The following PRSS23 variants were observed in gnomAD, a reference collection of about 807,000 sequenced individuals.
The protein encoded by PRSS23 is serine protease 23.
In PRSS23, 25 loss-of-function variants were observed where a neutral mutation model predicts 34.7. The ratio of observed to expected loss-of-function variants is 0.72; its 90% CI spans 0.53 to 1.01. PRSS23 has a LOEUF of 1.01. Ranked by LOEUF, PRSS23 falls within the 50% of genes least tolerant of loss-of-function variation. The probability of loss-of-function intolerance (pLI) is 0.00; values close to 1 mark genes in which losing one functional copy is unlikely to be tolerated. For synonymous variants in PRSS23, 176 were observed against 186.6 expected, an observed-to-expected ratio of 0.94 and a Z score of 0.46; for missense variants, 445 against 475.6, an observed-to-expected ratio of 0.94 and a Z score of 0.60.
upstream of PRSS23, among the ~76,000 whole-genome samples, chr11:86,796,597 C>A (rs1465046820): frequency 2.1e-5 from 3 of 145,398 alleles, no homozygotes; most frequent in Non-Finnish European, 4.5e-5. Flanking sequence ...GCCGAGATCG[C>A]GCCACTGCAC....
At chr11:86,865,554 G>T (rs142517302) in intron 2 of PRSS23, among the ~76,000 whole-genome samples, 72 of 152,330 alleles carry the variant, frequency 4.7e-4, no homozygotes, top group African/African-American at 1.7e-3. Context: ...CAAAGGACAG[G>T]CAGGTAGAGC....
Position 86,828,694 on chromosome 11 carries a change from T to G in PRSS23, c.206+5101T>G, listed in dbSNP as rs544961514. Among the ~76,000 whole-genome samples the G allele has an allele frequency of 2.0e-5, 3 of 152,312 alleles. No homozygotes were observed. The East Asian group carries it at 5.8e-4, about 29-fold the overall frequency. On this transcript the variant is annotated intron_variant, in intron 2 of 2. Coordinates refer to the PRSS23 transcript ENST00000533902. ...AGCTCTTTTAGGGCAGGCTTGGTGGTGACAGAATCTCTCGGCATTTGCTCG... is the reference window on the plus strand; with the variant it reads ...AGCTCTTTTAGGGCAGGCTTGGTGGGGACAGAATCTCTCGGCATTTGCTCG...
rs535500224 is a variant in PRSS23, at chr11:86,952,075, G to A, written c.*790G>A. On this transcript the variant is annotated 3_prime_UTR_variant, in exon 3 of 3. Transcript: ENST00000533902. The stretch of plus-strand genomic sequence containing the variant: ...AGGCAGTGGAGATGAAACACAGGCT[G>A]GCCCACACAGCCATCCAGATATCAG... 6 of 1,614,060 alleles carry A rather than the reference G, an allele frequency of 3.7e-6. No homozygotes were observed. In the African/African-American group the frequency reaches 4.0e-5, roughly 11 times the overall value.
At position 86,951,623 on chromosome 11, in the gene PRSS23, T is replaced by C. The variant is rs767886264; in HGVS notation, c.*338T>C. 1.3e-5 allele frequency: 21 copies of C among 1,614,062 alleles called. No individual in the cohort carries two copies. The highest frequency in any genetic ancestry group is 2.2e-5 in the East Asian group (1 of 44,900). On this transcript the variant is annotated 3_prime_UTR_variant, in exon 3 of 3. Coordinates refer to the PRSS23 transcript ENST00000533902. ...GGCATCGAGATTTTGGTTTCCAACATAGCACAAGCCAGTCAGTTCATCTGC... is the reference window on the plus strand; with the variant it reads ...GGCATCGAGATTTTGGTTTCCAACACAGCACAAGCCAGTCAGTTCATCTGC...
intron 2 of PRSS23, among the ~76,000 whole-genome samples, chr11:86,924,468 T>C (rs1030153780): frequency 3.3e-5 from 5 of 152,130 alleles, no homozygotes; most frequent in South Asian, 2.1e-4. Context: ...AAGTAAGGGA[T>C]AGATAAAACA....
intron 2 of PRSS23, among the ~76,000 whole-genome samples, chr11:86,868,911 A>G (rs1948667689): frequency 6.6e-6 from 1 of 152,166 alleles, no homozygotes; most frequent in Admixed American, 6.5e-5. Context: ...TCCCAGGCTC[A>G]GGTGATCCTC....
intron 1 of PRSS23, among the ~76,000 whole-genome samples, chr11:86,791,645 G>A (rs1947952680): frequency 6.6e-6 from 1 of 152,204 alleles, no homozygotes; most frequent in Non-Finnish European, 1.5e-5. Flanking sequence ...AGAAGTGCCA[G>A]AACAATCTGC....
Position 86,832,957 on chromosome 11 carries a change from C to T in PRSS23, c.206+9364C>T, listed in dbSNP as rs1354032658. The stretch of plus-strand genomic sequence containing the variant: ...GAATTTCCACATCCTTGATGCAGGT[C>T]ATTTGTAAGGCAATCAAATTGTGCA... On this transcript the variant is annotated intron_variant, in intron 2 of 2. Coordinates refer to the PRSS23 transcript ENST00000533902. 6 of 373,112 alleles carry T rather than the reference C, an allele frequency of 1.6e-5. No individual in the cohort carries two copies. The East Asian group carries it at 3.9e-4, about 24-fold the overall frequency. 23.1% of individuals were successfully genotyped at this position (373,112 alleles called of 1,614,324 possible). A position where few individuals can be genotyped will look rare whatever the true frequency, so the allele number is the denominator to read the frequency against.
At chr11:86,944,639 G>C (rs1949228667) in intron 2 of PRSS23, among the ~76,000 whole-genome samples, 1 of 152,106 alleles carries the variant, frequency 6.6e-6, no homozygotes, top group South Asian at 2.1e-4. Flanking sequence ...TCATGTAAAT[G>C]GAAGTATTTT....
chr11:86,917,451 C>G (rs904003031), intron 2 of PRSS23, among the ~76,000 whole-genome samples: 2 of 152,184 alleles, frequency 1.3e-5, no homozygotes, highest in Non-Finnish European at 2.9e-5. Flanking sequence ...TAACTAATAT[C>G]CATATTAATC....
chr11:86,937,991 G>A (rs1949176204), intron 2 of PRSS23, among the ~76,000 whole-genome samples: 1 of 152,154 alleles, frequency 6.6e-6, no homozygotes, highest in Non-Finnish European at 1.5e-5. Flanking sequence ...GAGGTCATTT[G>A]GGATAATAAA....
chr11:86,874,541 C>T (rs1476220872), intron 2 of PRSS23, among the ~76,000 whole-genome samples: 1 of 152,190 alleles, frequency 6.6e-6, no homozygotes, highest in East Asian at 1.9e-4. Flanking sequence ...ATCTGTGAGG[C>T]ACAGCCCCGT....
At chr11:86,838,270 C>T (rs1180626591) in intron 2 of PRSS23, among the ~76,000 whole-genome samples, 1 of 152,196 alleles carries the variant, frequency 6.6e-6, no homozygotes, top group Middle Eastern at 3.2e-3. Context: ...AAATAGTGCA[C>T]TTTTCCCATT....
intron 2 of PRSS23, among the ~76,000 whole-genome samples, chr11:86,848,339 T>C (rs1590892497): frequency 6.6e-6 from 1 of 152,188 alleles, no homozygotes; most frequent in African/African-American, 2.4e-5. Context: ...AAACAATCCA[T>C]TGAATGGCCT....
At chr11:86,800,438 G>A, upstream of PRSS23, 2 of 983,378 alleles carry the variant, frequency 2.0e-6, no homozygotes, top group South Asian at 4.7e-5. Context: ...AGTGGGGCGG[G>A]CGGCGTCCGC....
At chr11:86,824,339 A>G (rs1019838624) in intron 2 of PRSS23, among the ~76,000 whole-genome samples, 2 of 146,938 alleles carry the variant, frequency 1.4e-5, no homozygotes, top group African/African-American at 5.0e-5. Flanking sequence ...TAAAAATAAA[A>G]TAAAATAAAA....
chr11:86,801,988 C>T (rs1276393119), intron 1 of PRSS23, among the ~76,000 whole-genome samples: 1 of 152,146 alleles, frequency 6.6e-6, no homozygotes, highest in East Asian at 1.9e-4. Context: ...GTAACACTGA[C>T]GACTTATTCA....
intron 2 of PRSS23, chr11:86,823,685 C>T: frequency 1.5e-6 from 1 of 676,312 alleles, no homozygotes; most frequent in South Asian, 1.6e-5. Context: ...TTTAACGGAG[C>T]AAAGCAATGT....
chr11:86,859,983 G>T (rs1948601824), intron 2 of PRSS23, among the ~76,000 whole-genome samples: 1 of 151,924 alleles, frequency 6.6e-6, no homozygotes, highest in African/African-American at 2.4e-5. Context: ...CAATATCGCT[G>T]GTGGTGTATA....
Sources: gnomAD v4.1 joint callset for allele counts (sites outside exome capture counted in the v4.1 genomes callset) on GRCh38, gnomAD v4.1.1 for gene constraint, MANE v1.5 for transcripts, NCBI Gene and HGNC (gene_info 2026-07-23, HGNC 2026-07-21) for gene names.